COQ9: variants seen among roughly 807,000 people sequenced by gnomAD.
The protein encoded by COQ9 is coenzyme Q9.
COQ9 carries 35 observed loss-of-function variants against 42.4 expected under a neutral mutation model. The observed-to-expected ratio is 0.83, with a 90% CI of 0.63 to 1.10. COQ9 has a LOEUF of 1.10. COQ9 is among the 50% of genes least tolerant of loss of function. The pLI, the probability that COQ9 is intolerant of heterozygous loss-of-function variation, is 0.00. For missense variants in COQ9, 406 were observed against 414.6 expected (o/e 0.98, Z 0.18); for synonymous variants, 155 against 155.1 (o/e 1.00, Z 0.00).
chr16:57,460,807 G>C lies in COQ9; in HGVS notation c.*183G>C. On this transcript the variant is annotated 3_prime_UTR_variant, in exon 9 of 9. Coordinates refer to ENST00000262507, the MANE Select transcript of COQ9 (RefSeq NM_020312.4). The stretch of plus-strand genomic sequence containing the variant: ...ATTTGATGCTACCGTTCTGGTCAGG[G>C]ATTGGGCTGCTTCTTCAGTTCCTAA... The C allele has an allele frequency of 1.6e-6, 1 of 629,342 alleles. No homozygotes were observed. The highest frequency in any genetic ancestry group is 2.9e-6 in the Non-Finnish European group (1 of 346,840). The allele number at this position is 629,342 out of a possible 1,614,324, so 39.0% of individuals were successfully genotyped here.
intron 2 of COQ9, among the ~76,000 whole-genome samples, chr16:57,451,758 A>T (rs1380138615): frequency 2.0e-5 from 3 of 152,250 alleles, no homozygotes; most frequent in Non-Finnish European, 2.9e-5. Flanking sequence ...TTCATAGCTT[A>T]ATAGTTGTAT....
At chr16:57,454,412 T>G (rs575672842) in intron 3 of COQ9, 1 of 152,332 alleles carries the variant, frequency 6.6e-6, no homozygotes, top group South Asian at 2.1e-4. Flanking sequence ...TCCCAGCACT[T>G]TGGGAGGCCA....
chr16:57,453,934 A>C (rs172782), intron 3 of COQ9: 2 of 152,142 alleles, frequency 1.3e-5, no homozygotes, highest in African/African-American at 4.8e-5. Context: ...CAGGGGTCAA[A>C]GTGGTCAAGA....
chr16:57,456,763 G>GT (rs1219445005), intron 4 of COQ9, 117 bp downstream of exon 4: 28 of 1,383,848 alleles, frequency 2.0e-5, no homozygotes, highest in Non-Finnish European at 2.8e-5. Context: ...GCATTGGGCA[G>GT]CCCTGCTGCT....
intron 1 of COQ9, among the ~76,000 whole-genome samples, chr16:57,448,156 C>CAT (rs1402333507): frequency 6.6e-6 from 1 of 152,174 alleles, no homozygotes; most frequent in Non-Finnish European, 1.5e-5. Context: ...CTTTAGCATA[C>CAT]ATACATAACT....
At position 57,451,153 on chromosome 16, in the gene COQ9, T is replaced by C. The variant is rs1276732246; in HGVS notation, c.187T>C (p.Ser63Pro). Residue 63 changes from serine (S) to proline (P), a missense_variant, in exon 2 of 9, where the codon TCT becomes CCT. Transcript: ENST00000262507. ...QPPNSFSQQH[S>P]ETQGAEKPDP... The stretch of plus-strand genomic sequence containing the variant: ...TCCCAACTCATTTTCTCAGCAGCAT[T>C]CTGAGACACAGGGGGCAGAAAAACC... The C allele has an allele frequency of 6.2e-6, 10 of 1,614,028 alleles. No homozygotes were observed. In the African/African-American group the frequency reaches 1.3e-4, roughly 22 times the overall value.
intron 3 of COQ9, chr16:57,454,341 A>G (rs554153023): frequency 6.6e-6 from 1 of 152,336 alleles, no homozygotes; most frequent in South Asian, 2.1e-4. Flanking sequence ...AACTATGACA[A>G]ATAGTCTAAT....
rs780794547 is a variant in COQ9, at chr16:57,447,519, C to CGGT, written c.15_17dup (p.Val6dup). On this transcript the variant is annotated inframe_insertion, in exon 1 of 9. Coordinates refer to ENST00000262507, the MANE Select transcript of COQ9 (RefSeq NM_020312.4). ...CCCGCTTCCAAAATGGCGGCGGCGG[C>CGGT]GGTATCTGGTGCGCTTGGCCGGGCG... The CGGT allele has an allele frequency of 7.7e-7, 1 of 1,305,300 alleles. No homozygotes were observed. The highest frequency in any genetic ancestry group is 9.8e-7 in the Non-Finnish European group (1 of 1,021,094). The allele number at this position is 1,305,300 out of a possible 1,614,324, so 80.9% of individuals were successfully genotyped here.
intron 5 of COQ9, 165 bp downstream of exon 5, chr16:57,457,180 G>A (rs745943429): frequency 2.8e-6 from 2 of 706,894 alleles, no homozygotes; most frequent in South Asian, 1.5e-5. Flanking sequence ...TTCAAACTTG[G>A]ACATACCAAA....
At position 57,460,826 on chromosome 16, in the gene COQ9, T is replaced by A. The variant is rs2030519069; in HGVS notation, c.*202T>A. The A allele has an allele frequency of 8.4e-6, 5 of 597,244 alleles. No individual in the cohort carries two copies. In the Admixed American group the frequency reaches 1.1e-4, roughly 13 times the overall value. The allele number at this position is 597,244 out of a possible 1,614,324, so 37.0% of individuals were successfully genotyped here. A position where few individuals can be genotyped will look rare whatever the true frequency, so the allele number is the denominator to read the frequency against. ...GTCAGGGATTGGGCTGCTTCTTCAG[T>A]TCCTAATACCAGACCAAGCCTCCTG... On this transcript the variant is annotated 3_prime_UTR_variant, in exon 9 of 9. Transcript: ENST00000262507.
At chr16:57,460,382 G>A (rs1450161829) in intron 8 of COQ9, among the ~76,000 whole-genome samples, 4 of 151,976 alleles carry the variant, frequency 2.6e-5, no homozygotes, top group African/African-American at 9.7e-5. Flanking sequence ...TCTTGGCCAG[G>A]TGCAGTGGCT....
intron 2 of COQ9, 81 bp from the exon 3 acceptor site, chr16:57,452,720 A>G: frequency 6.7e-7 from 1 of 1,484,188 alleles, no homozygotes; most frequent in South Asian, 1.1e-5. Flanking sequence ...CTTAGAGGAG[A>G]TCCAGAGCCC....
At chr16:57,455,416 T>TAA (rs1245188013) in intron 3 of COQ9, among the ~76,000 whole-genome samples, 1 of 147,806 alleles carries the variant, frequency 6.8e-6, no homozygotes, top group Non-Finnish European at 1.5e-5. Flanking sequence ...TATATATATA[T>TAA]AAAATAATTA....
rs748239782 is a variant in COQ9, at chr16:57,452,863, G to A, written c.305G>A (p.Arg102His). The change falls in exon 3 of 9, where the codon CGC (arginine) becomes CAC (histidine). Residue 102 changes from arginine (R) to histidine (H), a missense_variant. Arg to His is a conservative substitution (Grantham distance 29). Transcript: ENST00000262507. ...GAAAGTGAGGAGCAGTTGCAGCACC[G>A]CATCCTGACGGCAGCCCTTGAGTTT... ...DYESEEQLQH[R>H]ILTAALEFVP... 8.7e-6 allele frequency: 14 copies of A among 1,613,700 alleles called. No individual in the cohort carries two copies. The highest frequency in any genetic ancestry group is 3.4e-4 in the Middle Eastern group (2 of 5,854).
At chr16:57,453,033 C>T in intron 3 of COQ9, 97 bp downstream of exon 3, 1 of 1,488,430 alleles carries the variant, frequency 6.7e-7, no homozygotes, top group South Asian at 1.1e-5. Flanking sequence ...TCCAGTCTAG[C>T]TCAGAGCCCC....
chr16:57,451,334 T>C, intron 2 of COQ9, 126 bp downstream of exon 2: 4 of 1,112,200 alleles, frequency 3.6e-6, no homozygotes, highest in Non-Finnish European at 5.4e-6. Flanking sequence ...TCTTTGTTTT[T>C]TAGAATTTTT....
At chr16:57,448,923 C>T (rs1447734599) in intron 1 of COQ9, among the ~76,000 whole-genome samples, 1 of 152,100 alleles carries the variant, frequency 6.6e-6, no homozygotes, top group Non-Finnish European at 1.5e-5. Flanking sequence ...GAATACTATT[C>T]TGCAATAAAA....
intron 3 of COQ9, chr16:57,453,844 A>T (rs28627664): frequency 6.6e-6 from 1 of 152,088 alleles, no homozygotes; most frequent in Non-Finnish European, 1.5e-5. Flanking sequence ...TCCAATTAAA[A>T]CCCTTTATAT....
intron 2 of COQ9, among the ~76,000 whole-genome samples, chr16:57,452,306 G>A (rs1244955692): frequency 1.3e-5 from 2 of 152,202 alleles, no homozygotes; most frequent in Admixed American, 1.3e-4. Flanking sequence ...CGTGCCTATG[G>A]GGAGGGGAAG....
Sources: allele counts gnomAD v4.1 joint callset (sites outside exome capture counted in the v4.1 genomes callset), GRCh38; gene constraint gnomAD v4.1.1; transcripts MANE v1.5; gene names NCBI Gene and HGNC (gene_info 2026-07-23, HGNC 2026-07-21).